SMARCD2: variants seen among roughly 807,000 people sequenced by gnomAD.
SMARCD2 encodes the protein SWI/SNF-related matrix-associated actin-dependent regulator of chromatin subfamily D member 2.
Under a neutral mutation model 70.4 loss-of-function variants are expected in SMARCD2, and 39 were observed. The observed-to-expected ratio is 0.55, with a 90% CI of 0.43 to 0.72. The LOEUF is 0.72. SMARCD2 is among the 30% of genes least tolerant of loss of function. SMARCD2 has a pLI of 0.00. For missense variants in SMARCD2, 540 were observed against 713.4 expected, an observed-to-expected ratio of 0.76 and a Z score of 2.77; for synonymous variants, 249 against 279.4, an observed-to-expected ratio of 0.89 and a Z score of 1.08.
At chr17:63,835,895 A>AT (rs1383174430) in intron 4 of SMARCD2, among the ~76,000 whole-genome samples, 1 of 152,010 alleles carries the variant, frequency 6.6e-6, no homozygotes, top group Non-Finnish European at 1.5e-5. Flanking sequence ...TGCCCAGCTA[A>AT]TTTTTTGTGT....
intron 4 of SMARCD2, 102 bp downstream of exon 4, chr17:63,836,820 T>G (rs1019949083): frequency 8.7e-7 from 1 of 1,145,300 alleles, no homozygotes; most frequent in Non-Finnish European, 1.3e-6. Context: ...ATCCTGCATG[T>G]GAAAAACCCG....
chr17:63,837,203 G>C lies in SMARCD2; in HGVS notation c.436C>G (p.Pro146Ala), dbSNP rs1386106190. 1 of 1,613,762 alleles carries C rather than the reference G, an allele frequency of 6.2e-7. No homozygotes were observed. The highest frequency in any genetic ancestry group is 1.3e-5 in the African/African-American group (1 of 74,984). Residue 146 changes from proline to alanine, a missense_variant, in exon 3 of 13, where the codon CCT (proline) becomes GCT (alanine). Coordinates refer to ENST00000448276, the MANE Select transcript of SMARCD2 (RefSeq NM_001098426.2). This position sits in a 1 kb window ranked among gnomAD's most constrained non-coding sequence, Gnocchi z 6.4. The stretch of plus-strand genomic sequence containing the variant: ...GTCCTCTTAACACTTACTCGCTGAG[G>C]TAGAACCTTATCTGCCATCTTCCTC... ...KRRKMADKVLPQRIRELVPES... is the reference protein window; with the variant it reads ...KRRKMADKVLAQRIRELVPES...
Position 63,832,586 on chromosome 17 carries a change from C to T in SMARCD2, c.*352G>A, listed in dbSNP as rs1465114582. The T allele has an allele frequency of 5.5e-6, 2 of 362,662 alleles. No individual in the cohort carries two copies. The highest frequency in any genetic ancestry group is 2.1e-5 in the African/African-American group (1 of 48,432). 22.5% of individuals were successfully genotyped at this position (362,662 alleles called of 1,614,324 possible). On this transcript the variant is annotated 3_prime_UTR_variant, in exon 13 of 13. Transcript: ENST00000448276. ...TCTTCCTAGCCCAGCTCCCCAGAGC[C>T]AGCTCTGACCCTCGCCCCAGGGGGA...
chr17:63,836,306 C>G (rs931494974), intron 4 of SMARCD2, among the ~76,000 whole-genome samples: 1 of 151,786 alleles, frequency 6.6e-6, no homozygotes, highest in South Asian at 2.1e-4. Flanking sequence ...GTCAGGAGTT[C>G]GAGACCAGCC....
rs1361239187 is a variant in SMARCD2, at chr17:63,833,171, C to A, written c.1441-1G>T. 1 of 1,607,960 alleles carries A rather than the reference C, an allele frequency of 6.2e-7. No individual in the cohort carries two copies. Among genetic ancestry groups the A allele is most frequent in the South Asian group, 1.1e-5 (1 of 90,182 alleles). On this transcript the variant is annotated splice_acceptor_variant, in intron 11 of 12. Transcript: ENST00000448276. LOFTEE classifies it high-confidence loss of function. This position sits in a 1 kb window ranked among gnomAD's most constrained non-coding sequence, Gnocchi z 4.3. Reference sequence around the variant, plus strand: ...GATTTCCAATCACATCAGTGATGATCTGCAAAGAGCCAGGAGGAAAGCCAT... The same window carrying A: ...GATTTCCAATCACATCAGTGATGATATGCAAAGAGCCAGGAGGAAAGCCAT...
Position 63,835,582 on chromosome 17 carries a change from GCAA to G in SMARCD2, c.568-18_568-16del. The G allele has an allele frequency of 1.2e-6, 2 of 1,612,962 alleles. No individual in the cohort carries two copies. Among genetic ancestry groups the G allele is most frequent in the South Asian group, 1.1e-5 (1 of 91,002 alleles). On this transcript the variant is annotated splice_polypyrimidine_tract_variant and intron_variant, in intron 4 of 12. Coordinates refer to ENST00000448276, the MANE Select transcript of SMARCD2 (RefSeq NM_001098426.2). ...TTTCGCTTTTGCTAAAGAGAGAAAG[GCAA>G]TCACAACTGGAGGTGGACCAAGATG...
Position 63,835,482 on chromosome 17 carries a change from G to A in SMARCD2, c.653C>T (p.Pro218Leu). 1 of 1,613,994 alleles carries A rather than the reference G, an allele frequency of 6.2e-7. No individual in the cohort carries two copies. The highest frequency in any genetic ancestry group is 1.1e-5 in the South Asian group (1 of 91,086). Reference sequence around the variant, plus strand: ...CTTGTCCCCTGCTGGGGTTCCCCCAGGGGTCCCTGCAGTTCCTGCACTATC... The same window carrying A: ...CTTGTCCCCTGCTGGGGTTCCCCCAAGGGTCCCTGCAGTTCCTGCACTATC... ...EGDSAGTAGTPGGTPAGDKVA... is the reference protein window; with the variant it reads ...EGDSAGTAGTLGGTPAGDKVA... The change falls in exon 5 of 13, where the codon CCT (proline) becomes CTT (leucine). Residue 218 changes from proline (P) to leucine (L), a missense_variant. Pro to Leu is a moderately conservative substitution (Grantham distance 98). Transcript: ENST00000448276.
intron 1 of SMARCD2, among the ~76,000 whole-genome samples, chr17:63,839,709 C>T (rs528726655): frequency 6.6e-6 from 1 of 152,262 alleles, no homozygotes; most frequent in East Asian, 1.9e-4. Flanking sequence ...CCCCTGAACC[C>T]CAGATGAGGA....
At position 63,834,673 on chromosome 17, in the gene SMARCD2, T is replaced by G. The variant is rs780809268; in HGVS notation, c.819+32A>C. On this transcript the variant is annotated intron_variant, in intron 6 of 12. Coordinates refer to ENST00000448276, the MANE Select transcript of SMARCD2 (RefSeq NM_001098426.2). The surrounding 1 kb of genome is among the most constrained non-coding windows in gnomAD (Gnocchi z 5.6). Reference sequence around the variant, plus strand: ...GCCATTTCCCTGCCAAACCTGCACATCAGCCTGCTTTTGCCCCAGGCCCAC... The same window carrying G: ...GCCATTTCCCTGCCAAACCTGCACAGCAGCCTGCTTTTGCCCCAGGCCCAC... The G allele has an allele frequency of 4.4e-6, 7 of 1,589,566 alleles. No individual in the cohort carries two copies. Among genetic ancestry groups the G allele is most frequent in the Non-Finnish European group, 6.0e-6 (7 of 1,157,886 alleles).
At position 63,837,722 on chromosome 17, in the gene SMARCD2, G is replaced by A; in HGVS notation, c.217-97C>T. The A allele has an allele frequency of 1.0e-6, 1 of 985,912 alleles. No individual in the cohort carries two copies. The highest frequency in any genetic ancestry group is 1.5e-6 in the Non-Finnish European group (1 of 665,348). The allele number at this position is 985,912 out of a possible 1,614,324, so 61.1% of individuals were successfully genotyped here. A position where few individuals can be genotyped will look rare whatever the true frequency, so the allele number is the denominator to read the frequency against. On this transcript the variant is annotated intron_variant, in intron 1 of 12. Coordinates refer to ENST00000448276, the MANE Select transcript of SMARCD2 (RefSeq NM_001098426.2). The surrounding 1 kb of genome is among the most constrained non-coding windows in gnomAD (Gnocchi z 6.4). ...CCATCCCTCTCGTCAGCCAGGTAGG[G>A]CCTGAGCAGCACACCAGAGCCCTGC...
In SMARCD2 at chr17:63,834,046, A is replaced by C. The variant is rs775210986; in HGVS notation, c.1084-40T>G. ...AAAGGCTCAGCGTTGGCTTGTGGGC[A>C]CAGTGGAGTGGACCATTCCAGGACC... On this transcript the variant is annotated intron_variant, in intron 8 of 12. Coordinates refer to ENST00000448276, the MANE Select transcript of SMARCD2 (RefSeq NM_001098426.2). The surrounding 1 kb of genome is among the most constrained non-coding windows in gnomAD (Gnocchi z 5.6). The C allele has an allele frequency of 1.9e-6, 3 of 1,598,214 alleles. No individual in the cohort carries two copies. Among genetic ancestry groups the C allele is most frequent in the Non-Finnish European group, 2.6e-6 (3 of 1,165,842 alleles).
chr17:63,842,504 G>A lies in SMARCD2; in HGVS notation c.171C>T (p.Ala57=), dbSNP rs1347517640. The A allele has an allele frequency of 3.2e-6, 4 of 1,233,238 alleles. No individual in the cohort carries two copies. Among genetic ancestry groups the A allele is most frequent in the Non-Finnish European group, 3.0e-6 (3 of 990,652 alleles). The allele number at this position is 1,233,238 out of a possible 1,614,324, so 76.4% of individuals were successfully genotyped here. Residue 57 remains alanine (A), a synonymous_variant, in exon 1 of 13, where the codon GCC becomes GCT. Coordinates refer to ENST00000448276, the MANE Select transcript of SMARCD2 (RefSeq NM_001098426.2). Reference sequence around the variant, plus strand: ...CCGCGGGGCCCATGGGGCGGAAGGCGGCGGCCCCGGGGCCCCCCACGCCTC... The same window carrying A: ...CCGCGGGGCCCATGGGGCGGAAGGCAGCGGCCCCGGGGCCCCCCACGCCTC... ...PAGGVGGPGA[A]AFRPMGPAGP...
intron 5 of SMARCD2, chr17:63,835,081 C>T (rs1024441231): frequency 7.5e-6 from 4 of 536,082 alleles, no homozygotes; most frequent in South Asian, 2.4e-5. Flanking sequence ...GCAGCGCCCC[C>T]CTCCCTATGG....
At position 63,833,739 on chromosome 17, in the gene SMARCD2, G is replaced by C. The variant is rs368644656; in HGVS notation, c.1182-17C>G. Reference sequence around the variant, plus strand: ...GGGTCGACACTGCAGGCAGCACATGGGGAGGGAAGGCACATAGCTGACTTC... The same window carrying C: ...GGGTCGACACTGCAGGCAGCACATGCGGAGGGAAGGCACATAGCTGACTTC... On this transcript the variant is annotated splice_polypyrimidine_tract_variant and intron_variant, in intron 9 of 12. Coordinates refer to ENST00000448276, the MANE Select transcript of SMARCD2 (RefSeq NM_001098426.2). This position sits in a 1 kb window ranked among gnomAD's most constrained non-coding sequence, Gnocchi z 4.3. 2.5e-6 allele frequency: 4 copies of C among 1,613,816 alleles called. No homozygotes were observed. Among genetic ancestry groups the C allele is most frequent in the Non-Finnish European group, 8.5e-7 (1 of 1,179,844 alleles).
intron 1 of SMARCD2, chr17:63,838,895 A>G: frequency 1.0e-6 from 1 of 985,266 alleles, no homozygotes; most frequent in Non-Finnish European, 1.2e-6. Context: ...CCCGCACTAA[A>G]CCCATGTTCC....
chr17:63,837,233 T>C lies in SMARCD2; in HGVS notation c.406A>G (p.Lys136Glu). The change falls in exon 3 of 13, where the codon AAG (lysine) becomes GAG (glutamate). Residue 136 changes from lysine to glutamate, a missense_variant. By Grantham distance (56) the Lys-to-Glu change is moderately conservative (BLOSUM62 1). Transcript: ENST00000448276. This position sits in a 1 kb window ranked among gnomAD's most constrained non-coding sequence, Gnocchi z 6.4. ...ACCTTATCTGCCATCTTCCTCCTCT[T>C]TAACCTGGGGAGGACAGAAACCCAC... ...PPMPAQRRGL[K>E]RRKMADKVLP... 6.2e-7 allele frequency: 1 copy of C among 1,613,716 alleles called. No homozygotes were observed. Among genetic ancestry groups the C allele is most frequent in the Non-Finnish European group, 8.5e-7 (1 of 1,179,778 alleles).
At chr17:63,839,456 C>A (rs968455135) in intron 1 of SMARCD2, among the ~76,000 whole-genome samples, 2 of 152,068 alleles carry the variant, frequency 1.3e-5, no homozygotes, top group Non-Finnish European at 2.9e-5. Flanking sequence ...TTCCTGGGCC[C>A]AGAGCCCCTG....
chr17:63,840,451 G>A (rs113872674), intron 1 of SMARCD2, among the ~76,000 whole-genome samples: 2,429 of 152,092 alleles, frequency 0.016, 64 homozygotes, highest in African/African-American at 0.055. Context: ...TAGGATTACA[G>A]GTGTGAGCCC....
chr17:63,839,199 C>CA (rs1350211242), intron 1 of SMARCD2: 2 of 985,252 alleles, frequency 2.0e-6, no homozygotes, highest in African/African-American at 3.5e-5. Context: ...GCTGTAAGCC[C>CA]AGGCCCAGAC....
Sources: gnomAD v4.1 joint callset for allele counts (sites outside exome capture counted in the v4.1 genomes callset) on GRCh38, gnomAD v4.1.1 for gene constraint, Gnocchi (gnomAD v3.1) non-coding constraint, MANE v1.5 for transcripts, NCBI Gene and HGNC (gene_info 2026-07-23, HGNC 2026-07-21) for gene names.